The following GATAD2B variants were observed in gnomAD, a reference collection of about 807,000 sequenced individuals.
GATAD2B encodes transcriptional repressor p66-beta.
In GATAD2B, 8 loss-of-function variants were observed where a neutral mutation model predicts 64.3. The ratio of observed to expected loss-of-function variants is 0.12; its 90% CI spans 0.07 to 0.22. The LOEUF (loss-of-function observed/expected upper bound fraction) is 0.22, where lower values mean the gene tolerates loss of function less well. Among genes scored for constraint, GATAD2B ranks in the 10% least tolerant of loss-of-function variants. The probability of loss-of-function intolerance (pLI) is 1.00; values close to 1 mark genes in which losing one functional copy is unlikely to be tolerated. For missense variants in GATAD2B, 453 were observed against 752.0 expected, an observed-to-expected ratio of 0.60 and a Z score of 4.65; for synonymous variants, 281 against 271.3, an observed-to-expected ratio of 1.04 and a Z score of -0.35.
rs1674950901 is a variant in GATAD2B, at chr1:153,828,237, A to G, written c.111T>C (p.His37=). 6.2e-7 allele frequency: 1 copy of G among 1,614,036 alleles called. No individual in the cohort carries two copies. The change falls in exon 2 of 11, where the codon CAT becomes CAC. Residue 37 remains histidine (H), a synonymous_variant. Transcript: ENST00000368655. ...ACATTTTCAGACGTTCCATGGCCTC[A>G]TGCCCCTCCATTTTGAGTCGCTTTG... is the stretch of plus-strand genomic sequence containing the variant. The part of the protein sequence containing the change: ...VLAKRLKMEG[H]EAMERLKMLA...
chr1:153,861,974 G>C (rs559684077), intron 1 of GATAD2B, among the ~76,000 whole-genome samples: 1 of 150,266 alleles, frequency 6.7e-6, no homozygotes, highest in Non-Finnish European at 1.5e-5. Context: ...CTGCAACCTT[G>C]TGGCTAATAT....
chr1:153,890,843 A>G (rs1436939710), intron 1 of GATAD2B: 3 of 152,228 alleles, frequency 2.0e-5, no homozygotes, highest in African/African-American at 7.2e-5. Flanking sequence ...CATTAAACGC[A>G]TGCCAGAACA....
At chr1:153,826,371 A>G (rs1017733919) in intron 2 of GATAD2B, among the ~76,000 whole-genome samples, 9 of 152,030 alleles carry the variant, frequency 5.9e-5, no homozygotes, top group Non-Finnish European at 1.2e-4. Flanking sequence ...GCTCATGCCT[A>G]TAATCCCAGC....
chr1:153,856,953 T>C (rs1676101751), intron 1 of GATAD2B, among the ~76,000 whole-genome samples: 1 of 151,984 alleles, frequency 6.6e-6, no homozygotes. Flanking sequence ...TGCATGCAGA[T>C]GATAGGGTTT....
At chr1:153,910,494 C>A (rs895040318) in intron 1 of GATAD2B, among the ~76,000 whole-genome samples, 13 of 152,278 alleles carry the variant, frequency 8.5e-5, no homozygotes, top group Admixed American at 4.6e-4. Flanking sequence ...AATCCCAGCA[C>A]TTTGGGAGGC....
intron 1 of GATAD2B, among the ~76,000 whole-genome samples, chr1:153,889,114 C>T (rs1677275501): frequency 6.6e-6 from 1 of 152,014 alleles, no homozygotes; most frequent in African/African-American, 2.4e-5. Flanking sequence ...CACTGAATTG[C>T]TATGTTCAAC....
chr1:153,902,342 A>G (rs1435577628), intron 1 of GATAD2B, among the ~76,000 whole-genome samples: 13 of 152,236 alleles, frequency 8.5e-5, no homozygotes, highest in African/African-American at 2.9e-4. Context: ...TATCATACTT[A>G]CAGCCAAGGT....
At chr1:153,881,092 ATGGC>A (rs775333005) in intron 1 of GATAD2B, among the ~76,000 whole-genome samples, 1 of 152,032 alleles carries the variant, frequency 6.6e-6, no homozygotes, top group African/African-American at 2.4e-5. Flanking sequence ...TCCTTATATA[ATGGC>A]CTGTGATTTC....
chr1:153,892,788 G>A (rs1191180576), intron 1 of GATAD2B, among the ~76,000 whole-genome samples: 1 of 148,598 alleles, frequency 6.7e-6, no homozygotes, highest in Non-Finnish European at 1.5e-5. Flanking sequence ...TCTGCCTCCC[G>A]GGTTCGGGCA....
chr1:153,810,106 C>T lies in GATAD2B; in HGVS notation c.*71G>A, dbSNP rs1159178478. 6.8e-7 allele frequency: 1 copy of T among 1,470,742 alleles called. No individual in the cohort carries two copies. The highest frequency in any genetic ancestry group is 1.3e-5 in the South Asian group (1 of 79,794). 91.1% of individuals were successfully genotyped at this position (1,470,742 alleles called of 1,614,324 possible). The stretch of plus-strand genomic sequence containing the variant: ...GCACCAGTACAGGCACTGCATGCGA[C>T]AGAAGTTGGGGGAATGAAAGAGGAA... On this transcript the variant is annotated 3_prime_UTR_variant, in exon 11 of 11. Transcript: ENST00000368655.
At chr1:153,920,027 G>A (rs774058337) in intron 1 of GATAD2B, among the ~76,000 whole-genome samples, 26 of 152,230 alleles carry the variant, frequency 1.7e-4, no homozygotes, top group Non-Finnish European at 3.7e-4. Flanking sequence ...TAAGCGCAGA[G>A]GGGCTGCTTG....
At chr1:153,867,806 G>A (rs1676529103) in intron 1 of GATAD2B, among the ~76,000 whole-genome samples, 1 of 151,888 alleles carries the variant, frequency 6.6e-6, no homozygotes, top group African/African-American at 2.4e-5. Context: ...GTTGCAGTGA[G>A]CCAACACGGT....
intron 8 of GATAD2B, among the ~76,000 whole-genome samples, chr1:153,812,877 C>A (rs1308058270): frequency 6.6e-6 from 1 of 152,202 alleles, no homozygotes; most frequent in East Asian, 1.9e-4. Flanking sequence ...ATAATTCACT[C>A]TTTCTTTCGT....
intron 1 of GATAD2B, chr1:153,852,649 G>A (rs1675942483): frequency 7.1e-6 from 6 of 849,194 alleles, no homozygotes; most frequent in South Asian, 4.0e-5. Flanking sequence ...ACAGAAGAAC[G>A]GAGCTGAGAA....
chr1:153,836,654 C>A (rs1675280667), intron 1 of GATAD2B, among the ~76,000 whole-genome samples: 1 of 152,058 alleles, frequency 6.6e-6, no homozygotes. Flanking sequence ...TCTACTCCAG[C>A]CTGGGTGACA....
Position 153,877,370 on chromosome 1 carries a change from G to A in GATAD2B, c.-2+45363C>T, listed in dbSNP as rs557543556. On this transcript the variant is annotated intron_variant, in intron 1 of 10. Coordinates refer to ENST00000368655, the MANE Select transcript of GATAD2B (RefSeq NM_020699.4). ...ATAAATAAATAGAATTAAAGGGACA[G>A]ACGTGGCCAAAGGGCAGATTTCACA... Among the ~76,000 whole-genome samples the A allele has an allele frequency of 5.3e-5, 8 of 151,710 alleles. No individual in the cohort carries two copies. The South Asian group carries it at 1.7e-3, about 32-fold the overall frequency.
intron 1 of GATAD2B, among the ~76,000 whole-genome samples, chr1:153,919,680 C>T (rs1432085851): frequency 6.6e-6 from 1 of 152,134 alleles, no homozygotes; most frequent in South Asian, 2.1e-4. Context: ...CTAGGCTTAG[C>T]CAAAAGCAGG....
intron 7 of GATAD2B, 141 bp from the exon 8 acceptor site, chr1:153,813,593 A>T (rs961031403): frequency 3.1e-6 from 2 of 644,234 alleles, no homozygotes; most frequent in African/African-American, 3.7e-5. Flanking sequence ...TAATTTACAA[A>T]ATACTTTTAT....
chr1:153,813,707 G>A lies in GATAD2B; in HGVS notation c.1217-255C>T, dbSNP rs542426901. Among the ~76,000 whole-genome samples the A allele has an allele frequency of 3.3e-4, 50 of 152,322 alleles. 1 individual carries two copies. In the South Asian group the frequency reaches 8.1e-3, roughly 25 times the overall value. On this transcript the variant is annotated intron_variant, in intron 7 of 10. Coordinates refer to ENST00000368655, the MANE Select transcript of GATAD2B (RefSeq NM_020699.4). ...GAAATGTAGCTTCTGGCTGGGTGCG[G>A]TGGCTCACCCCTACAGTCCCAGCAC...
Sources: gnomAD v4.1 joint callset for allele counts (sites outside exome capture counted in the v4.1 genomes callset) on GRCh38, gnomAD v4.1.1 for gene constraint, MANE v1.5 for transcripts, NCBI Gene and HGNC (gene_info 2026-07-23, HGNC 2026-07-21) for gene names.